Variants in VSTM1 observed in about 807,000 individuals in gnomAD.
VSTM1 encodes the protein V-set and transmembrane domain containing 1.
Under a neutral mutation model 33.1 loss-of-function variants are expected in VSTM1, and 27 were observed. The observed-to-expected ratio is 0.82, with a 90% CI of 0.60 to 1.12. The LOEUF (loss-of-function observed/expected upper bound fraction) is 1.12, where lower values mean the gene tolerates loss of function less well. Among genes scored for constraint, VSTM1 ranks in the 50% most tolerant of loss-of-function variants. VSTM1 has a pLI of 0.00. For synonymous variants in VSTM1, 115 were observed against 110.3 expected (o/e 1.04, Z -0.27); for missense variants, 304 against 288.9 (o/e 1.05, Z -0.38).
At chr19:54,062,292 C>T (rs567696038) in intron 1 of VSTM1, among the ~76,000 whole-genome samples, 1 of 152,296 alleles carries the variant, frequency 6.6e-6, no homozygotes, top group South Asian at 2.1e-4. Context: ...CAACTTAAAG[C>T]AATTCTAATT....
At chr19:54,046,797 C>T (rs1406991893) in intron 4 of VSTM1, among the ~76,000 whole-genome samples, 2 of 152,284 alleles carry the variant, frequency 1.3e-5, no homozygotes, top group Middle Eastern at 6.8e-3. Context: ...TCTCTGTCTC[C>T]ACTGCTTTCT....
At position 54,058,751 on chromosome 19, in the gene VSTM1, TGA is replaced by T; in HGVS notation, c.35-21_35-20del. ...CACAGCCCTGGAAGAGAAATCTCAA[TGA>T]GAGAAAAATTATGTGCTTGTCCTTG... On this transcript the variant is annotated intron_variant, in intron 1 of 8. Transcript: ENST00000338372. The T allele has an allele frequency of 2.5e-6, 4 of 1,612,926 alleles. No homozygotes were observed. The highest frequency in any genetic ancestry group is 3.4e-6 in the Non-Finnish European group (4 of 1,179,812).
intron 4 of VSTM1, among the ~76,000 whole-genome samples, chr19:54,046,012 T>C (rs1157142270): frequency 1.3e-4 from 20 of 152,178 alleles, no homozygotes; most frequent in African/African-American, 4.6e-4. Flanking sequence ...TAATCTATCA[T>C]ATCTAGTTAT....
intron 3 of VSTM1, among the ~76,000 whole-genome samples, chr19:54,052,215 G>A (rs981308511): frequency 6.0e-5 from 9 of 150,396 alleles, no homozygotes; most frequent in East Asian, 2.0e-4. Flanking sequence ...TGGCTAACAT[G>A]GTGAAACCCC....
At chr19:54,047,374 C>A (rs1234349493) in intron 4 of VSTM1, among the ~76,000 whole-genome samples, 1 of 151,742 alleles carries the variant, frequency 6.6e-6, no homozygotes, top group Non-Finnish European at 1.5e-5. Context: ...GGCTTTGGAA[C>A]CTCCCCCTCT....
At chr19:54,044,604 A>AAAAAC (rs1276375428) in intron 4 of VSTM1, among the ~76,000 whole-genome samples, 2 of 152,328 alleles carry the variant, frequency 1.3e-5, no homozygotes, top group African/African-American at 4.8e-5. Flanking sequence ...ATTAAAAAAC[A>AAAAAC]AAAACAAAAC....
At position 54,042,829 on chromosome 19, in the gene VSTM1, TATATATATAC is replaced by T. The variant is rs1395412766; in HGVS notation, c.395-470_395-461del. Among the ~76,000 whole-genome samples the T allele has an allele frequency of 3.5e-4, 27 of 77,646 alleles. 1 individual carries two copies. Among genetic ancestry groups the T allele is most frequent in the African/African-American group, 1.1e-3 (22 of 20,556 alleles). The allele number at this position is 77,646 out of a possible 152,430, so 50.9% of individuals were successfully genotyped here. A position where few individuals can be genotyped will look rare whatever the true frequency, so the allele number is the denominator to read the frequency against. ...GTGTATATATATATATATATATATA[TATATATATAC>T]ATATATATATATATATACACACTTT... On this transcript the variant is annotated intron_variant, in intron 4 of 8. Coordinates refer to ENST00000338372, the MANE Select transcript of VSTM1 (RefSeq NM_198481.4).
rs34886038 is a variant in VSTM1, at chr19:54,040,838, C to T, written c.*123G>A. 0.14 allele frequency: 191,353 copies of T among 1,326,542 alleles called. 14,823 individuals are homozygous for T. The highest frequency in any genetic ancestry group is 0.19 in the Admixed American group (6,190 of 32,406). 82.2% of individuals were successfully genotyped at this position (1,326,542 alleles called of 1,614,324 possible). On this transcript the variant is annotated 3_prime_UTR_variant, in exon 9 of 9. Transcript: ENST00000338372. The stretch of plus-strand genomic sequence containing the variant: ...AAATAAGTCAGATTTCTTTTTAAGA[C>T]GAGAAACTTAATTTTATTGATATGG...
intron 3 of VSTM1, among the ~76,000 whole-genome samples, chr19:54,051,697 G>T (rs1312074680): frequency 6.6e-6 from 1 of 152,060 alleles, no homozygotes; most frequent in African/African-American, 2.4e-5. Context: ...CCCTGCTAAC[G>T]CCCCCTCCAG....
intron 4 of VSTM1, among the ~76,000 whole-genome samples, chr19:54,049,467 T>C (rs1461241480): frequency 6.6e-6 from 1 of 152,194 alleles, no homozygotes; most frequent in Admixed American, 6.5e-5. Flanking sequence ...AAAATGCCAG[T>C]GAATTGGACA....
At chr19:54,046,990 G>A (rs1310113493) in intron 4 of VSTM1, among the ~76,000 whole-genome samples, 7 of 152,154 alleles carry the variant, frequency 4.6e-5, no homozygotes, top group Non-Finnish European at 1.0e-4. Context: ...GAGGTCAGGA[G>A]TTCGAGACCA....
chr19:54,055,630 CT>C (rs1465006357), intron 3 of VSTM1: 2 of 142,940 alleles, frequency 1.4e-5, no homozygotes, highest in African/African-American at 5.2e-5. Flanking sequence ...TGAAATCAGT[CT>C]GGTTTTTTCT....
chr19:54,051,729 T>C (rs1210307379), intron 3 of VSTM1, among the ~76,000 whole-genome samples: 1 of 152,122 alleles, frequency 6.6e-6, no homozygotes, highest in Non-Finnish European at 1.5e-5. Flanking sequence ...GCCAGTCTTC[T>C]CTATCTTGAC....
chr19:54,052,221 A>T (rs1169103864), intron 3 of VSTM1, among the ~76,000 whole-genome samples: 4 of 143,240 alleles, frequency 2.8e-5, no homozygotes, highest in Non-Finnish European at 6.1e-5. Flanking sequence ...ACATGGTGAA[A>T]CCCCGTCTCT....
Position 54,055,112 on chromosome 19 carries a change from T to A in VSTM1, c.355+3194A>T, listed in dbSNP as rs139267976. On this transcript the variant is annotated intron_variant, in intron 3 of 8. Coordinates refer to ENST00000338372, the MANE Select transcript of VSTM1 (RefSeq NM_198481.4). Reference sequence around the variant, plus strand: ...GTATGTTACAATCCTCCCACGTGCATCTTCTCACTGTGGTCCTCATCATTT... The same window carrying A: ...GTATGTTACAATCCTCCCACGTGCAACTTCTCACTGTGGTCCTCATCATTT... Among the ~76,000 whole-genome samples the A allele has an allele frequency of 6.3e-4, 88 of 140,330 alleles. 14 individuals are homozygous for A. In the Middle Eastern group the frequency reaches 0.018, roughly 28 times the overall value. The allele number at this position is 140,330 out of a possible 152,430, so 92.1% of individuals were successfully genotyped here. A position where few individuals can be genotyped will look rare whatever the true frequency, so the allele number is the denominator to read the frequency against.
chr19:54,058,060 G>A (rs1406734735), intron 3 of VSTM1, among the ~76,000 whole-genome samples: 2 of 151,804 alleles, frequency 1.3e-5, no homozygotes, highest in South Asian at 2.1e-4. Context: ...CTAACATGGC[G>A]AAACCCCATC....
intron 1 of VSTM1, among the ~76,000 whole-genome samples, 169 bp downstream of exon 1, chr19:54,063,575 G>A (rs1299294179): frequency 1.3e-5 from 2 of 152,104 alleles, no homozygotes; most frequent in African/African-American, 4.8e-5. Context: ...CTCCTCGCTT[G>A]CATGTGGGCG....
intron 3 of VSTM1, among the ~76,000 whole-genome samples, chr19:54,055,156 C>G (rs183477533): frequency 1.4e-5 from 2 of 140,444 alleles, no homozygotes; most frequent in East Asian, 4.0e-4. Flanking sequence ...GTTACCTGCA[C>G]CGTGCCTCCC....
chr19:54,058,479 C>A lies in VSTM1; in HGVS notation c.182G>T (p.Arg61Leu), dbSNP rs779173655. 12 of 1,613,946 alleles carry A rather than the reference C, an allele frequency of 7.4e-6. No homozygotes were observed. The South Asian group carries it at 7.7e-5, about 10-fold the overall frequency. The change falls in exon 3 of 9, where the codon CGC (arginine) becomes CTC (leucine). Residue 61 changes from arginine (R) to leucine (L), a missense_variant. Physicochemically the swap from Arg to Leu is moderately radical, Grantham distance 102 (BLOSUM62 -2). Coordinates refer to ENST00000338372, the MANE Select transcript of VSTM1 (RefSeq NM_198481.4). ...CTTGTACCCAGAGTCGTTCACCTTG[C>A]GCAGCACAAATGTCACATTCTGGGA... is the stretch of plus-strand genomic sequence containing the variant. ...AHSQNVTFVL[R>L]KVNDSGYKQE...
Sources: allele counts gnomAD v4.1 joint callset (sites outside exome capture counted in the v4.1 genomes callset), GRCh38; gene constraint gnomAD v4.1.1; transcripts MANE v1.5; gene names NCBI Gene and HGNC (gene_info 2026-07-23, HGNC 2026-07-21).